Variants in AHI1 observed in about 807,000 individuals in gnomAD.
AHI1 encodes jouberin.
In AHI1, 123 loss-of-function variants were observed where a neutral mutation model predicts 149.3. The ratio of observed to expected loss-of-function variants is 0.82; its 90% CI spans 0.71 to 0.96. AHI1 has a LOEUF of 0.96. Among genes scored for constraint, AHI1 ranks in the 40% least tolerant of loss-of-function variants. The pLI is 0.00. For missense variants in AHI1, 1,439 were observed against 1,422.7 expected (o/e 1.01, Z -0.18); for synonymous variants, 475 against 459.8 (o/e 1.03, Z -0.42).
intron 5 of AHI1, among the ~76,000 whole-genome samples, chr6:135,485,139 T>C (rs967066985): frequency 2.6e-5 from 4 of 151,840 alleles, no homozygotes; most frequent in African/African-American, 9.7e-5. Context: ...GGTGGCATGA[T>C]CTAGGCTCAC....
At chr6:135,314,312 T>C (rs1785627551) in intron 26 of AHI1, among the ~76,000 whole-genome samples, 2 of 152,168 alleles carry the variant, frequency 1.3e-5, no homozygotes, top group Non-Finnish European at 1.5e-5. Context: ...CTCTGCCCAG[T>C]GAGGATAAGT....
chr6:135,331,572 G>T (rs1414920458), intron 24 of AHI1, among the ~76,000 whole-genome samples: 1 of 152,130 alleles, frequency 6.6e-6, no homozygotes, highest in Non-Finnish European at 1.5e-5. Context: ...TCTCAGTGAC[G>T]CCTGGTCAAT....
intron 26 of AHI1, among the ~76,000 whole-genome samples, chr6:135,311,317 AAAAAAGATGTC>A (rs886139206): frequency 6.6e-6 from 1 of 151,922 alleles, no homozygotes; most frequent in African/African-American, 2.4e-5. Flanking sequence ...AAAAAAAAAA[AAAAAAGATGTC>A]AAAGATATAT....
At chr6:135,422,308 G>C (rs890681823) in intron 20 of AHI1, among the ~76,000 whole-genome samples, 3 of 152,042 alleles carry the variant, frequency 2.0e-5, no homozygotes, top group Non-Finnish European at 4.4e-5. Flanking sequence ...CTTGAGACCA[G>C]GCCTAGGATT....
At chr6:135,448,546 A>G (rs572651135) in intron 11 of AHI1, 71 bp from the exon 12 acceptor site, 3 of 1,191,388 alleles carry the variant, frequency 2.5e-6, no homozygotes, top group African/African-American at 3.0e-5. Context: ...CAATAGCATA[A>G]AGTCAGAAAC....
chr6:135,298,958 G>C (rs1054470187), intron 27 of AHI1, among the ~76,000 whole-genome samples: 9 of 152,152 alleles, frequency 5.9e-5, no homozygotes, highest in African/African-American at 1.9e-4. Flanking sequence ...CAAGAGCACT[G>C]TTCCCATGAT....
At position 135,433,115 on chromosome 6, in the gene AHI1, T is replaced by C. The variant is rs771749948; in HGVS notation, c.2178A>G (p.Lys726=). 1.9e-6 allele frequency: 3 copies of C among 1,613,558 alleles called. No homozygotes were observed. The highest frequency in any genetic ancestry group is 4.5e-5 in the East Asian group (2 of 44,832). The change falls in exon 16 of 29, where the codon AAA becomes AAG. Residue 726 remains lysine, a synonymous_variant. Coordinates refer to ENST00000265602, the MANE Select transcript of AHI1 (RefSeq NM_001134831.2). ...TGGCAGAATCTTCTCTCATCTCAAC[T>C]TTCCATATCCGTATCATGGAATCAT... ...GCYDSMIRIW[K]VEMREDSAIL... is the part of the protein sequence containing the mutation.
intron 3 of AHI1, among the ~76,000 whole-genome samples, chr6:135,494,371 G>A (rs1399536150): frequency 3.3e-5 from 5 of 152,154 alleles, no homozygotes; most frequent in African/African-American, 4.8e-5. Flanking sequence ...GCTTAGTATG[G>A]GTCATGTTGA....
At chr6:135,337,488 G>A (rs1364194478) in intron 24 of AHI1, among the ~76,000 whole-genome samples, 1 of 152,136 alleles carries the variant, frequency 6.6e-6, no homozygotes, top group Non-Finnish European at 1.5e-5. Flanking sequence ...GCCAAGTGCA[G>A]TGGCTCATGC....
At chr6:135,392,741 A>T (rs1778690197) in intron 23 of AHI1, among the ~76,000 whole-genome samples, 1 of 152,214 alleles carries the variant, frequency 6.6e-6, no homozygotes, top group Admixed American at 6.5e-5. Context: ...TTTTTAAAGC[A>T]GAAACTCACC....
chr6:135,392,612 T>C (rs1212739165), intron 23 of AHI1, among the ~76,000 whole-genome samples: 1 of 152,226 alleles, frequency 6.6e-6, no homozygotes, highest in Non-Finnish European at 1.5e-5. Context: ...AAACATTCTA[T>C]TTACATGATT....
At chr6:135,431,848 A>G (rs1404990794) in intron 16 of AHI1, among the ~76,000 whole-genome samples, 1 of 152,200 alleles carries the variant, frequency 6.6e-6, no homozygotes, top group Non-Finnish European at 1.5e-5. Flanking sequence ...ATGGCTGTTC[A>G]GCAACTGTGA....
At position 135,431,212 on chromosome 6, in the gene AHI1, T is replaced by C. The variant is rs1181424358; in HGVS notation, c.2369A>G (p.Asn790Ser). The C allele has an allele frequency of 6.4e-7, 1 of 1,570,554 alleles. No individual in the cohort carries two copies. The highest frequency in any genetic ancestry group is 8.7e-7 in the Non-Finnish European group (1 of 1,151,434). The change falls in exon 17 of 29, where the codon AAT (asparagine) becomes AGT (serine). Residue 790 changes from asparagine (N) to serine (S), a missense_variant. Transcript: ENST00000265602. ...LEHSVHHWTINKEIKETEFKG... is the reference protein window; with the variant it reads ...LEHSVHHWTISKEIKETEFKG... ...ATATAAAATATGATTTTATACCTTA[T>C]TTATAGTCCAGTGGTGCACTGAATG...
chr6:135,421,839 T>C (rs892694974), intron 20 of AHI1, among the ~76,000 whole-genome samples: 1 of 152,172 alleles, frequency 6.6e-6, no homozygotes, highest in Non-Finnish European at 1.5e-5. Context: ...ACAGGTAGTT[T>C]TGGCATGTCT....
At chr6:135,329,467 C>T (rs1788206942) in intron 24 of AHI1, among the ~76,000 whole-genome samples, 2 of 152,146 alleles carry the variant, frequency 1.3e-5, no homozygotes, top group Non-Finnish European at 2.9e-5. Context: ...ATAGCCCATC[C>T]ATCTACAGCA....
At chr6:135,356,190 C>G (rs1792937605) in intron 24 of AHI1, among the ~76,000 whole-genome samples, 1 of 152,178 alleles carries the variant, frequency 6.6e-6, no homozygotes, top group African/African-American at 2.4e-5. Context: ...TTCTCAGGCT[C>G]TAACAGATAC....
chr6:135,478,561 A>G (rs1251848916), intron 5 of AHI1, among the ~76,000 whole-genome samples: 1 of 152,236 alleles, frequency 6.6e-6, no homozygotes, highest in Admixed American at 6.5e-5. Context: ...GCTCATTTGC[A>G]TAAAGAAAGA....
At position 135,301,869 on chromosome 6, in the gene AHI1, A is replaced by G. The variant is rs1000427551; in HGVS notation, c.3427-1311T>C. The G allele has an allele frequency of 1.3e-5, 13 of 985,346 alleles. No individual in the cohort carries two copies. The African/African-American group carries it at 2.1e-4, about 16-fold the overall frequency. The allele number at this position is 985,346 out of a possible 1,614,324, so 61.0% of individuals were successfully genotyped here. On this transcript the variant is annotated intron_variant, in intron 26 of 28. Transcript: ENST00000265602. ...TCAGACTGCCCTCATCCAATAGAACAATAAGCAAAGAAAATCATCAAAACC... is the reference window on the plus strand; with the variant it reads ...TCAGACTGCCCTCATCCAATAGAACGATAAGCAAAGAAAATCATCAAAACC...
At position 135,439,929 on chromosome 6, in the gene AHI1, A is replaced by G. The variant is rs554410355; in HGVS notation, c.1913-1431T>C. The stretch of plus-strand genomic sequence containing the variant: ...AAATCTCCTCCCCACAGAAGCAACA[A>G]GAACACTGGCAAAAACTGGCAAAAA... On this transcript the variant is annotated intron_variant, in intron 14 of 28. Coordinates refer to ENST00000265602, the MANE Select transcript of AHI1 (RefSeq NM_001134831.2). 1.6e-4 allele frequency among the ~76,000 whole-genome samples: 25 copies of G among 152,292 alleles called. No individual in the cohort carries two copies. The South Asian group carries it at 2.1e-3, about 13-fold the overall frequency.
Sources: gnomAD v4.1 joint callset for allele counts (sites outside exome capture counted in the v4.1 genomes callset) on GRCh38, gnomAD v4.1.1 for gene constraint, MANE v1.5 for transcripts, NCBI Gene and HGNC (gene_info 2026-07-23, HGNC 2026-07-21) for gene names.